Variants in SEZ6L observed in about 807,000 individuals in gnomAD.
SEZ6L encodes seizure 6-like protein.
A neutral mutation model predicts 106.2 loss-of-function variants in SEZ6L; 37 were observed. The observed-to-expected ratio is 0.35, with a 90% CI of 0.27 to 0.46. The LOEUF is 0.46. Among genes scored for constraint, SEZ6L ranks in the 20% least tolerant of loss-of-function variants. The pLI, the probability that SEZ6L is intolerant of heterozygous loss-of-function variation, is 1.00. For synonymous variants in SEZ6L, 541 were observed against 570.4 expected, an observed-to-expected ratio of 0.95 and a Z score of 0.73; for missense variants, 1,172 against 1,332.8, an observed-to-expected ratio of 0.88 and a Z score of 1.88.
At chr22:26,258,269 C>G (rs760557538) in intron 1 of SEZ6L, among the ~76,000 whole-genome samples, 23 of 152,174 alleles carry the variant, frequency 1.5e-4, no homozygotes, top group African/African-American at 2.4e-4. Context: ...AGGCACCGCA[C>G]CAGGCACTGA....
chr22:26,230,670 G>C (rs1296159842), intron 1 of SEZ6L, among the ~76,000 whole-genome samples: 1 of 152,260 alleles, frequency 6.6e-6, no homozygotes, highest in East Asian at 1.9e-4. Context: ...AGAGTGGCCA[G>C]ATGAGGCTTC....
rs5997084 is a variant in SEZ6L at position 26,380,415 on chromosome 22, C to T, written c.*120C>T. On this transcript the variant is annotated 3_prime_UTR_variant, in exon 17 of 17. Transcript: ENST00000248933. ...GAATGTCGACTGTCTTTTGTTTAGA[C>T]TCTTTATCAAAGGTTTACTGTTTTC... is the stretch of plus-strand genomic sequence containing the variant. The T allele has an allele frequency of 1.9e-3, 1,412 of 752,834 alleles. 13 individuals carry two copies. The African/African-American group carries it at 0.022, about 12-fold the overall frequency. The allele number at this position is 752,834 out of a possible 1,614,324, so 46.6% of individuals were successfully genotyped here.
intron 10 of SEZ6L, among the ~76,000 whole-genome samples, chr22:26,346,700 C>T (rs1280044618): frequency 6.6e-6 from 1 of 152,214 alleles, no homozygotes; most frequent in African/African-American, 2.4e-5. Flanking sequence ...CAACTGTTGA[C>T]AGGAGGCCTC....
chr22:26,193,095 AT>A (rs1014588442), intron 1 of SEZ6L, among the ~76,000 whole-genome samples: 5 of 152,192 alleles, frequency 3.3e-5, no homozygotes, highest in South Asian at 4.2e-4. Flanking sequence ...CATTGGGAAC[AT>A]TTTTTTTCCT....
At chr22:26,376,604 C>T (rs1345051145) in intron 15 of SEZ6L, among the ~76,000 whole-genome samples, 1 of 152,068 alleles carries the variant, frequency 6.6e-6, no homozygotes, top group Non-Finnish European at 1.5e-5. Context: ...TAAAATTAGC[C>T]TGGGCATGGT....
At chr22:26,318,770 G>A (rs766417233) in intron 9 of SEZ6L, among the ~76,000 whole-genome samples, 29 of 151,956 alleles carry the variant, frequency 1.9e-4, no homozygotes, top group Non-Finnish European at 3.4e-4. Context: ...CTACTTATAG[G>A]GAGATATTTA....
In SEZ6L at chr22:26,292,965, G is replaced by T. The variant is rs761464606; in HGVS notation, c.654G>T (p.Arg218Ser). Reference protein sequence around the residue: ...QPYVAHTLPQRPEPGEPGPDM... With the variant: ...QPYVAHTLPQSPEPGEPGPDM... ...ATGTGGCCCACACACTCCCCCAGAG[G>T]CCAGAACCCGGGGAGCCTGGGCCTG... is the stretch of plus-strand genomic sequence containing the variant. Residue 218 changes from arginine (R) to serine (S), a missense_variant, in exon 2 of 17, where the codon AGG becomes AGT. Around this residue, in one of 4 missense-constraint regions of SEZ6L, gnomAD observed 494 missense variants for 445.8 expected, o/e 1.11. Transcript: ENST00000248933. 1 of 1,613,820 alleles carries T rather than the reference G, an allele frequency of 6.2e-7. No individual in the cohort carries two copies. Among genetic ancestry groups the T allele is most frequent in the Non-Finnish European group, 8.5e-7 (1 of 1,179,900 alleles).
rs1017093104 is a variant in SEZ6L at position 26,380,367 on chromosome 22, T to C, written c.*72T>C. 4.6e-5 allele frequency: 59 copies of C among 1,279,126 alleles called. No homozygotes were observed. The highest frequency in any genetic ancestry group is 3.7e-4 in the Middle Eastern group (2 of 5,398). 79.2% of individuals were successfully genotyped at this position (1,279,126 alleles called of 1,614,324 possible). ...CCTCGAGACATTCATCCAGAGACCA[T>C]GTGGCACTTGATTGAAACCCCAGAA... On this transcript the variant is annotated 3_prime_UTR_variant, in exon 17 of 17. Coordinates refer to ENST00000248933, the MANE Select transcript of SEZ6L (RefSeq NM_021115.5).
At chr22:26,193,269 CGT>C (rs1569366811) in intron 1 of SEZ6L, among the ~76,000 whole-genome samples, 1 of 152,172 alleles carries the variant, frequency 6.6e-6, no homozygotes, top group African/African-American at 2.4e-5. Context: ...GGAAAAAATT[CGT>C]GTGAGACAAA....
At chr22:26,184,599 A>G (rs922000206) in intron 1 of SEZ6L, among the ~76,000 whole-genome samples, 9 of 152,306 alleles carry the variant, frequency 5.9e-5, no homozygotes, top group South Asian at 2.1e-4. Context: ...CAAGAAATGT[A>G]TACTCCCTGT....
intron 1 of SEZ6L, among the ~76,000 whole-genome samples, chr22:26,173,118 A>G (rs1195829976): frequency 6.6e-6 from 1 of 152,190 alleles, no homozygotes; most frequent in African/African-American, 2.4e-5. Context: ...GGGGCAGGGC[A>G]AGGAGGACTG....
intron 9 of SEZ6L, among the ~76,000 whole-genome samples, chr22:26,324,342 T>C (rs2082247729): frequency 6.6e-6 from 1 of 152,102 alleles, no homozygotes; most frequent in Admixed American, 6.6e-5. Context: ...CCAGCACAGT[T>C]CTCTAACCAG....
At chr22:26,326,721 G>A (rs1446409314) in intron 9 of SEZ6L, among the ~76,000 whole-genome samples, 5 of 152,200 alleles carry the variant, frequency 3.3e-5, no homozygotes. Flanking sequence ...GAGCTGAGCA[G>A]GCAAGCAGTG....
chr22:26,249,592 G>C (rs1320211909), intron 1 of SEZ6L, among the ~76,000 whole-genome samples: 1 of 152,118 alleles, frequency 6.6e-6, no homozygotes, highest in African/African-American at 2.4e-5. Flanking sequence ...TATGGACTTA[G>C]GCTGATTTCT....
intron 1 of SEZ6L, among the ~76,000 whole-genome samples, chr22:26,269,681 A>C (rs1423206542): frequency 2.0e-5 from 3 of 152,188 alleles, no homozygotes; most frequent in Admixed American, 6.5e-5. Context: ...GTGGTAAAAC[A>C]TTGTCTTGTC....
At chr22:26,326,396 A>C (rs1182130307) in intron 9 of SEZ6L, among the ~76,000 whole-genome samples, 1 of 152,202 alleles carries the variant, frequency 6.6e-6, no homozygotes, top group Non-Finnish European at 1.5e-5. Flanking sequence ...CTAGAGTTGC[A>C]TCCAATTATC....
rs183687112 is a variant in SEZ6L at position 26,366,200 on chromosome 22, G to A, written c.2794+634G>A. On this transcript the variant is annotated intron_variant, in intron 13 of 16. Transcript: ENST00000248933. Reference sequence around the variant, plus strand: ...TACAAAAAAATTAGCTGGGCGTAGCGGTGCATGCCTGAAGTCCCAGCTACT... The same window carrying A: ...TACAAAAAAATTAGCTGGGCGTAGCAGTGCATGCCTGAAGTCCCAGCTACT... Among the ~76,000 whole-genome samples the A allele has an allele frequency of 3.3e-5, 5 of 152,062 alleles. No individual in the cohort carries two copies. In the East Asian group the frequency reaches 5.8e-4, roughly 18 times the overall value.
intron 13 of SEZ6L, 139 bp from the exon 14 acceptor site, chr22:26,373,312 G>A (rs1476652934): frequency 2.6e-5 from 18 of 681,484 alleles, no homozygotes; most frequent in Non-Finnish European, 4.1e-5. Context: ...TGATTATAGT[G>A]GCCCAAGATA....
intron 1 of SEZ6L, among the ~76,000 whole-genome samples, chr22:26,242,353 C>T (rs553586912): frequency 6.6e-6 from 1 of 152,228 alleles, no homozygotes; most frequent in Non-Finnish European, 1.5e-5. Flanking sequence ...TGGGCTCAAG[C>T]CCCTCCCTGG....
Sources: gnomAD v4.1 joint callset for allele counts (sites outside exome capture counted in the v4.1 genomes callset) on GRCh38, gnomAD v4.1.1 for gene constraint, gnomAD v4.1.1 regional missense constraint, MANE v1.5 for transcripts, NCBI Gene and HGNC (gene_info 2026-07-23, HGNC 2026-07-21) for gene names.